SMG6: variants seen among roughly 807,000 people sequenced by gnomAD.
SMG6 encodes the protein telomerase-binding protein EST1A.
Under a neutral mutation model 142.2 loss-of-function variants are expected in SMG6, and 66 were observed. That is an observed-to-expected ratio of 0.46 (90% CI 0.38 to 0.57). The LOEUF is 0.57. Among genes scored for constraint, SMG6 ranks in the 20% least tolerant of loss-of-function variants. SMG6 has a pLI of 0.00. For synonymous variants in SMG6, 779 were observed against 702.4 expected, an observed-to-expected ratio of 1.11 and a Z score of -1.72; for missense variants, 1,793 against 1,832.0, an observed-to-expected ratio of 0.98 and a Z score of 0.39.
intron 10 of SMG6, among the ~76,000 whole-genome samples, chr17:2,189,101 T>C (rs2072083338): frequency 6.6e-6 from 1 of 152,226 alleles, no homozygotes; most frequent in African/African-American, 2.4e-5. Context: ...GAGTTAATTT[T>C]ATGCAGAACA....
At position 2,282,004 on chromosome 17, in the gene SMG6, A is replaced by T. The variant is rs139071554; in HGVS notation, c.2661+643T>A. On this transcript the variant is annotated intron_variant, in intron 8 of 18. Coordinates refer to ENST00000263073, the MANE Select transcript of SMG6 (RefSeq NM_017575.5). ...ATGTGCTCTCATATACTGGGTGTGC[A>T]CCCCAAAAACAGAAGTAATTACAAT... Among the ~76,000 whole-genome samples the T allele has an allele frequency of 1.0e-3, 153 of 152,282 alleles. No individual in the cohort carries two copies. The Middle Eastern group carries it at 0.014, about 14-fold the overall frequency.
chr17:2,114,876 G>C (rs564186282), intron 13 of SMG6, among the ~76,000 whole-genome samples: 2 of 114,784 alleles, frequency 1.7e-5, no homozygotes, highest in Admixed American at 1.9e-4. Context: ...TTGTGGAGTC[G>C]AAATCGTGCC....
chr17:2,159,191 C>T (rs140406261), intron 13 of SMG6, among the ~76,000 whole-genome samples: 13 of 152,198 alleles, frequency 8.5e-5, no homozygotes, highest in Non-Finnish European at 1.8e-4. Context: ...GAGGCCGAGG[C>T]GGGTGGATCA....
intron 7 of SMG6, among the ~76,000 whole-genome samples, chr17:2,283,364 C>G (rs1567746496): frequency 1.3e-5 from 2 of 152,148 alleles, no homozygotes; most frequent in Non-Finnish European, 2.9e-5. Flanking sequence ...ACATGTACAT[C>G]CAAGGGCCCC....
At chr17:2,122,830 G>C (rs951004208) in intron 13 of SMG6, among the ~76,000 whole-genome samples, 12 of 152,186 alleles carry the variant, frequency 7.9e-5, no homozygotes, top group African/African-American at 2.9e-4. Flanking sequence ...TAACCTGGCA[G>C]ACAGCCTTAT....
At chr17:2,248,911 G>C (rs1302885662) in intron 8 of SMG6, among the ~76,000 whole-genome samples, 1 of 150,566 alleles carries the variant, frequency 6.6e-6, no homozygotes, top group Non-Finnish European at 1.5e-5. Flanking sequence ...TTTTGAGACA[G>C]AGTCTTGCTC....
chr17:2,233,986 C>T lies in SMG6; in HGVS notation c.2869+2506G>A, dbSNP rs76788225. On this transcript the variant is annotated intron_variant, in intron 10 of 18. Coordinates refer to ENST00000263073, the MANE Select transcript of SMG6 (RefSeq NM_017575.5). Reference sequence around the variant, plus strand: ...GAAACACCCTTGGAGCCTCTGAACACCTCAACCCATACTCTTCTTGGCCCC... The same window carrying T: ...GAAACACCCTTGGAGCCTCTGAACATCTCAACCCATACTCTTCTTGGCCCC... Among the ~76,000 whole-genome samples the T allele has an allele frequency of 9.9e-3, 1,506 of 152,300 alleles. 30 individuals carry two copies. The highest frequency in any genetic ancestry group is 0.034 in the African/African-American group (1,405 of 41,562).
intron 10 of SMG6, among the ~76,000 whole-genome samples, chr17:2,231,798 C>T (rs902619849): frequency 1.2e-4 from 18 of 150,662 alleles, no homozygotes; most frequent in African/African-American, 4.4e-4. Flanking sequence ...TAAAAGCAGG[C>T]AATACCAATA....
chr17:2,276,482 T>C (rs2074652080), intron 8 of SMG6, among the ~76,000 whole-genome samples: 1 of 152,090 alleles, frequency 6.6e-6, no homozygotes, highest in Non-Finnish European at 1.5e-5. Flanking sequence ...TTTTCCAGGT[T>C]CAAGTGATTC....
chr17:2,198,725 G>T (rs1247614755), intron 10 of SMG6, among the ~76,000 whole-genome samples: 1 of 151,984 alleles, frequency 6.6e-6, no homozygotes, highest in Non-Finnish European at 1.5e-5. Context: ...AACCGAAGAA[G>T]ATCTGACACA....
At chr17:2,230,657 G>A (rs762720871) in intron 10 of SMG6, among the ~76,000 whole-genome samples, 13 of 152,096 alleles carry the variant, frequency 8.5e-5, no homozygotes, top group Non-Finnish European at 2.9e-5. Flanking sequence ...TTCTCTTCAG[G>A]GAACTACAGG....
intron 8 of SMG6, among the ~76,000 whole-genome samples, chr17:2,282,391 A>C (rs1395694667): frequency 1.5e-4 from 6 of 40,210 alleles, no homozygotes; most frequent in East Asian, 1.2e-3. Flanking sequence ...AAAAAGCAGC[A>C]AAAAAAAAAA....
intron 11 of SMG6, among the ~76,000 whole-genome samples, chr17:2,188,097 T>C (rs2072047032): frequency 6.6e-6 from 1 of 151,934 alleles, no homozygotes; most frequent in Non-Finnish European, 1.5e-5. Flanking sequence ...GAAACTAACT[T>C]TTCTGGTTTC....
intron 8 of SMG6, among the ~76,000 whole-genome samples, chr17:2,249,086 G>A (rs999522164): frequency 3.3e-5 from 5 of 151,822 alleles, no homozygotes; most frequent in East Asian, 3.9e-4. Flanking sequence ...GTAGAGATGG[G>A]GTTTCACCGT....
At chr17:2,099,059 T>C (rs2068936727) in intron 13 of SMG6, among the ~76,000 whole-genome samples, 1 of 152,308 alleles carries the variant, frequency 6.6e-6, no homozygotes, top group Non-Finnish European at 1.5e-5. Context: ...TTTGTGTGTG[T>C]GCTTAAAATA....
intron 14 of SMG6, 98 bp from the exon 15 acceptor site, chr17:2,082,054 G>T: frequency 7.6e-7 from 1 of 1,313,264 alleles, no homozygotes; most frequent in Non-Finnish European, 1.1e-6. Context: ...CCTCACCCAC[G>T]CAGACTGGGA....
chr17:2,076,078 C>T (rs914384724), intron 15 of SMG6, among the ~76,000 whole-genome samples: 36 of 152,222 alleles, frequency 2.4e-4, no homozygotes, highest in African/African-American at 7.5e-4. Context: ...GGTGTGGTTA[C>T]AGCCCCAGAT....
intron 13 of SMG6, among the ~76,000 whole-genome samples, chr17:2,096,949 A>G (rs982386483): frequency 6.6e-6 from 1 of 152,080 alleles, no homozygotes; most frequent in Non-Finnish European, 1.5e-5. Context: ...CATCTGCACT[A>G]CTTGTACGTC....
At chr17:2,145,887 T>A (rs1555544152) in intron 13 of SMG6, among the ~76,000 whole-genome samples, 1 of 152,138 alleles carries the variant, frequency 6.6e-6, no homozygotes, top group Non-Finnish European at 1.5e-5. Flanking sequence ...TCTACCTGTC[T>A]GCAACTGTTC....
Sources: gnomAD v4.1 joint callset for allele counts (sites outside exome capture counted in the v4.1 genomes callset) on GRCh38, gnomAD v4.1.1 for gene constraint, MANE v1.5 for transcripts, NCBI Gene and HGNC (gene_info 2026-07-23, HGNC 2026-07-21) for gene names.